Variants in DTNA observed in about 807,000 individuals in gnomAD.
DTNA encodes dystrobrevin alpha.
In DTNA, 43 loss-of-function variants were observed where a neutral mutation model predicts 100.7. The ratio of observed to expected loss-of-function variants is 0.43; its 90% CI spans 0.33 to 0.55. DTNA has a LOEUF of 0.55. Ranked by LOEUF, DTNA falls within the 20% of genes least tolerant of loss-of-function variation. The pLI, the probability that DTNA is intolerant of heterozygous loss-of-function variation, is 0.04. For synonymous variants in DTNA, 349 were observed against 347.9 expected (o/e 1.00, Z -0.04); for missense variants, 798 against 953.9 (o/e 0.84, Z 2.15).
chr18:34,765,958 T>C lies in DTNA; in HGVS notation c.68-3T>C, dbSNP rs970291878. The C allele has an allele frequency of 1.9e-6, 3 of 1,613,608 alleles. No individual in the cohort carries two copies. Among genetic ancestry groups the C allele is most frequent in the African/African-American group, 2.7e-5 (2 of 74,922 alleles). The stretch of plus-strand genomic sequence containing the variant: ...CCTTATGTGTCCTTTTTCCCCGCAC[T>C]AGGGGCTCAAGATCTGGATCGCATC... On this transcript the variant is annotated splice_polypyrimidine_tract_variant and splice_region_variant and intron_variant, in intron 2 of 22. Transcript: ENST00000444659.
chr18:34,523,652 G>T (rs967069530), intron 1 of DTNA, among the ~76,000 whole-genome samples: 1 of 152,110 alleles, frequency 6.6e-6, no homozygotes. Flanking sequence ...CCATAACCTT[G>T]TGAGGTAAGT....
intron 1 of DTNA, among the ~76,000 whole-genome samples, chr18:34,559,719 G>A (rs2046460493): frequency 6.6e-6 from 1 of 152,138 alleles, no homozygotes; most frequent in African/African-American, 2.4e-5. Flanking sequence ...AGTTCCTCCT[G>A]AAATCAGAAC....
chr18:34,821,127 A>G, intron 9 of DTNA: 1 of 704,506 alleles, frequency 1.4e-6, no homozygotes, highest in Non-Finnish European at 2.5e-6. Context: ...TGCAACACTA[A>G]CATAATTCAC....
chr18:34,635,174 C>T (rs1450165613), intron 1 of DTNA, among the ~76,000 whole-genome samples: 1 of 152,118 alleles, frequency 6.6e-6, no homozygotes, highest in African/African-American at 2.4e-5. Context: ...CAGGTTCATC[C>T]ATGTTGTTGC....
chr18:34,847,172 G>T (rs1187657144), intron 13 of DTNA, among the ~76,000 whole-genome samples: 1 of 152,118 alleles, frequency 6.6e-6, no homozygotes, highest in Non-Finnish European at 1.5e-5. Flanking sequence ...GCACTTCACA[G>T]AATGAAGTTT....
intron 1 of DTNA, among the ~76,000 whole-genome samples, chr18:34,564,810 T>C (rs1230459890): frequency 6.6e-6 from 1 of 152,230 alleles, no homozygotes; most frequent in East Asian, 1.9e-4. Flanking sequence ...ATGAATGCAC[T>C]GACCCTCCAT....
At chr18:34,801,439 G>A (rs555013121) in intron 4 of DTNA, among the ~76,000 whole-genome samples, 49 of 151,784 alleles carry the variant, frequency 3.2e-4, no homozygotes, top group South Asian at 1.5e-3. Flanking sequence ...TGTATTATGC[G>A]CTGTTTTCTC....
At chr18:34,798,964 T>C (rs1290013112) in intron 4 of DTNA, among the ~76,000 whole-genome samples, 3 of 152,238 alleles carry the variant, frequency 2.0e-5, no homozygotes, top group Admixed American at 6.5e-5. Context: ...TGCTTTCTGT[T>C]TCACTTTTTA....
At chr18:34,554,814 A>C (rs1468709446) in intron 1 of DTNA, among the ~76,000 whole-genome samples, 1 of 149,632 alleles carries the variant, frequency 6.7e-6, no homozygotes, top group Non-Finnish European at 1.5e-5. Context: ...AATGTTCATC[A>C]AGGATATTGG....
At chr18:34,530,203 A>AT (rs1372192124) in intron 1 of DTNA, among the ~76,000 whole-genome samples, 1 of 152,102 alleles carries the variant, frequency 6.6e-6, no homozygotes, top group African/African-American at 2.4e-5. Context: ...GTCAAGGCTG[A>AT]TTCCCAAACT....
intron 1 of DTNA, among the ~76,000 whole-genome samples, chr18:34,711,125 T>C (rs534206833): frequency 2.0e-5 from 3 of 152,272 alleles, no homozygotes; most frequent in Admixed American, 6.5e-5. Flanking sequence ...ATGAACTCTT[T>C]TGCTTAGAGG....
At chr18:34,547,010 T>A (rs1228863521) in intron 1 of DTNA, among the ~76,000 whole-genome samples, 2 of 152,026 alleles carry the variant, frequency 1.3e-5, no homozygotes, top group African/African-American at 4.8e-5. Flanking sequence ...CCCCACCCTG[T>A]TGTAATTTTC....
At chr18:34,548,016 A>C (rs2849483) in intron 1 of DTNA, among the ~76,000 whole-genome samples, 13,980 of 152,198 alleles carry the variant, frequency 0.092, 648 homozygotes, top group South Asian at 0.11. Context: ...TCACATAAAC[A>C]TAGCTAAATG....
At chr18:34,645,850 C>A (rs1240951229) in intron 1 of DTNA, among the ~76,000 whole-genome samples, 2 of 152,128 alleles carry the variant, frequency 1.3e-5, no homozygotes, top group Non-Finnish European at 2.9e-5. Context: ...AGTTTTTTAA[C>A]CATTTTTTGA....
chr18:34,655,666 T>A (rs548058433), intron 1 of DTNA, among the ~76,000 whole-genome samples: 1 of 152,316 alleles, frequency 6.6e-6, no homozygotes, highest in South Asian at 2.1e-4. Flanking sequence ...GTGTCCTCTT[T>A]TCTATAAGTG....
chr18:34,668,579 C>G (rs1207828897), intron 1 of DTNA, among the ~76,000 whole-genome samples: 1 of 152,078 alleles, frequency 6.6e-6, no homozygotes, highest in Non-Finnish European at 1.5e-5. Flanking sequence ...ATAAATTTCC[C>G]TCTACACACT....
In DTNA at chr18:34,718,259, T is replaced by A. The variant is rs971669882; in HGVS notation, c.-2+7814T>A. 2.6e-5 allele frequency among the ~76,000 whole-genome samples: 4 copies of A among 152,144 alleles called. No individual in the cohort carries two copies. In the East Asian group the frequency reaches 7.7e-4, roughly 29 times the overall value. On this transcript the variant is annotated intron_variant, in intron 1 of 22. Transcript: ENST00000444659. Reference sequence around the variant, plus strand: ...AAATGTATGACACATGACAATTTTGTTTGGGGATGTAATGTAACTGAGGTG... The same window carrying A: ...AAATGTATGACACATGACAATTTTGATTGGGGATGTAATGTAACTGAGGTG...
At chr18:34,517,241 C>A (rs1335298332) in intron 1 of DTNA, among the ~76,000 whole-genome samples, 1 of 152,106 alleles carries the variant, frequency 6.6e-6, no homozygotes, top group Non-Finnish European at 1.5e-5. Flanking sequence ...CCCTAAATTT[C>A]TTTAATACTC....
At chr18:34,752,171 C>G (rs2092380396) in intron 1 of DTNA, among the ~76,000 whole-genome samples, 1 of 152,232 alleles carries the variant, frequency 6.6e-6, no homozygotes, top group Non-Finnish European at 1.5e-5. Flanking sequence ...GCCATGTGCC[C>G]TGTGGTACAC....
Sources: gnomAD v4.1 joint callset for allele counts (sites outside exome capture counted in the v4.1 genomes callset) on GRCh38, gnomAD v4.1.1 for gene constraint, MANE v1.5 for transcripts, NCBI Gene and HGNC (gene_info 2026-07-23, HGNC 2026-07-21) for gene names.